RUNX2: variants seen among roughly 807,000 people sequenced by gnomAD.
The protein encoded by RUNX2 is runt-related transcription factor 2.
RUNX2 carries 10 observed loss-of-function variants against 51.7 expected under a neutral mutation model. That is an observed-to-expected ratio of 0.19 (90% CI 0.12 to 0.33). RUNX2 has a LOEUF of 0.33. Among genes scored for constraint, RUNX2 ranks in the 10% least tolerant of loss-of-function variants. RUNX2 has a pLI of 1.00. For missense variants in RUNX2, 562 were observed against 691.3 expected, an observed-to-expected ratio of 0.81 and a Z score of 2.10; for synonymous variants, 276 against 273.6, an observed-to-expected ratio of 1.01 and a Z score of -0.09.
intron 5 of RUNX2, among the ~76,000 whole-genome samples, chr6:45,474,307 A>T (rs1799890079): frequency 6.6e-6 from 1 of 152,036 alleles, no homozygotes; most frequent in Non-Finnish European, 1.5e-5. Flanking sequence ...GCTAGGGAAT[A>T]TTTGGGAATA....
intron 5 of RUNX2, among the ~76,000 whole-genome samples, chr6:45,463,821 A>G (rs1470750709): frequency 1.3e-5 from 2 of 152,142 alleles, no homozygotes; most frequent in East Asian, 3.9e-4. Flanking sequence ...AAATGTTTCT[A>G]TCTTCATTAA....
At position 45,550,357 on chromosome 6, in the gene RUNX2, C is replaced by A. The variant is rs1008736802; in HGVS notation, c.*3052C>A. 3.3e-5 allele frequency: 5 copies of A among 152,182 alleles called. No individual in the cohort carries two copies. Among genetic ancestry groups the A allele is most frequent in the Non-Finnish European group, 7.3e-5 (5 of 68,054 alleles). 9.4% of individuals were successfully genotyped at this position (152,182 alleles called of 1,614,324 possible). ...AGACGGTCTCACTGCCTCTCACTTG[C>A]CAGAGCCCTTTCAAAATGAGCAGAG... On this transcript the variant is annotated 3_prime_UTR_variant, in exon 9 of 9. Coordinates refer to ENST00000647337, the MANE Select transcript of RUNX2 (RefSeq NM_001024630.4).
chr6:45,482,106 G>T (rs1800133929), intron 5 of RUNX2, among the ~76,000 whole-genome samples: 1 of 152,228 alleles, frequency 6.6e-6, no homozygotes, highest in Admixed American at 6.5e-5. Context: ...GGCGAAGTTA[G>T]CCGGATTCCC....
chr6:45,405,253 T>C (rs1194689867), intron 2 of RUNX2, among the ~76,000 whole-genome samples: 1 of 152,248 alleles, frequency 6.6e-6, no homozygotes, highest in African/African-American at 2.4e-5. Flanking sequence ...TACATACATA[T>C]GTATTATTTA....
At chr6:45,430,759 G>A (rs963489816) in intron 3 of RUNX2, among the ~76,000 whole-genome samples, 1 of 152,170 alleles carries the variant, frequency 6.6e-6, no homozygotes, top group African/African-American at 2.4e-5. Flanking sequence ...TCAGACAGCT[G>A]TGGGCTACTT....
intron 2 of RUNX2, among the ~76,000 whole-genome samples, chr6:45,356,272 G>A (rs185647896): frequency 1.3e-5 from 2 of 151,634 alleles, no homozygotes. Context: ...GCAAAAGATG[G>A]CATACTCATT....
intron 5 of RUNX2, among the ~76,000 whole-genome samples, chr6:45,460,048 T>C (rs928343419): frequency 3.3e-5 from 5 of 152,136 alleles, no homozygotes; most frequent in African/African-American, 1.2e-4. Context: ...GGGCAGAGAA[T>C]GGTGCGTGGA....
chr6:45,464,420 T>C (rs1255574831), intron 5 of RUNX2, among the ~76,000 whole-genome samples: 1 of 152,164 alleles, frequency 6.6e-6, no homozygotes, highest in African/African-American at 2.4e-5. Context: ...TTTTTTTTTC[T>C]TTTTAGTGAT....
intron 2 of RUNX2, among the ~76,000 whole-genome samples, chr6:45,388,639 C>G (rs1249878422): frequency 6.6e-6 from 1 of 152,196 alleles, no homozygotes; most frequent in African/African-American, 2.4e-5. Context: ...GAAGCACAAA[C>G]TATGTTACTC....
intron 4 of RUNX2, among the ~76,000 whole-genome samples, chr6:45,433,895 C>T (rs139887754): frequency 6.6e-6 from 1 of 152,258 alleles, no homozygotes; most frequent in Non-Finnish European, 1.5e-5. Context: ...ACCCCCTCCC[C>T]CTATATTTCT....
At chr6:45,346,567 C>CTTTTT (rs71745024) in intron 2 of RUNX2, among the ~76,000 whole-genome samples, 2,321 of 140,392 alleles carry the variant, frequency 0.017, 51 homozygotes, top group South Asian at 0.08. Flanking sequence ...ATAAACATTT[C>CTTTTT]TTTTTTTTTT....
intron 5 of RUNX2, among the ~76,000 whole-genome samples, chr6:45,485,716 T>TATATATATATATATATAC (rs1554394671): frequency 2.9e-3 from 362 of 126,206 alleles, no homozygotes; most frequent in Non-Finnish European, 4.2e-3. Context: ...TATATATATA[T>TATATATATATATATATAC]ACACATATTT....
chr6:45,530,540 T>A (rs947916433), intron 7 of RUNX2, among the ~76,000 whole-genome samples: 8 of 152,220 alleles, frequency 5.3e-5, no homozygotes, highest in African/African-American at 1.9e-4. Flanking sequence ...TCCAGTGCAG[T>A]TAGATGACAG....
chr6:45,422,727 C>G lies in RUNX2; in HGVS notation c.193C>G (p.Gln65Glu), dbSNP rs1332669852. ...GCAGCAACAGCAGCAGCAGCAGCAGCAACAGCAGCAGCAGCAGCAGGAGGC... is the reference window on the plus strand; with the variant it reads ...GCAGCAACAGCAGCAGCAGCAGCAGGAACAGCAGCAGCAGCAGCAGGAGGC... ...QQQQQQQQQQQQQQQQQEAAA... is the reference protein window; with the variant it reads ...QQQQQQQQQQEQQQQQQEAAA... The change falls in exon 3 of 9, where the codon CAA becomes GAA. Residue 65 changes from glutamine (Q) to glutamate (E), a missense_variant. This residue lies in a region of RUNX2 where 153 missense variants were observed against 144.8 expected (regional missense o/e 1.06). Transcript: ENST00000647337. The G allele has an allele frequency of 1.3e-6, 2 of 1,584,594 alleles. No individual in the cohort carries two copies. The highest frequency in any genetic ancestry group is 2.8e-5 in the African/African-American group (2 of 72,078).
chr6:45,359,787 T>C (rs1244847220), intron 2 of RUNX2, among the ~76,000 whole-genome samples: 1 of 152,210 alleles, frequency 6.6e-6, no homozygotes, highest in East Asian at 1.9e-4. Flanking sequence ...CTTATGCTTC[T>C]AATCCCAACC....
intron 7 of RUNX2, among the ~76,000 whole-genome samples, chr6:45,532,500 C>G (rs1801891162): frequency 6.6e-6 from 1 of 151,930 alleles, no homozygotes; most frequent in Admixed American, 6.6e-5. Context: ...GTTGCTAGTC[C>G]AACACTCTAG....
At chr6:45,516,659 C>A (rs897767783) in intron 7 of RUNX2, among the ~76,000 whole-genome samples, 1 of 152,200 alleles carries the variant, frequency 6.6e-6, no homozygotes, top group Non-Finnish European at 1.5e-5. Context: ...TGATTCTAGT[C>A]AAGGGTAAGG....
chr6:45,337,985 C>T (rs1788943196), intron 2 of RUNX2, among the ~76,000 whole-genome samples: 1 of 151,912 alleles, frequency 6.6e-6, no homozygotes, highest in South Asian at 2.1e-4. Flanking sequence ...ATGCTTCTTT[C>T]ATACTCTAAT....
chr6:45,509,741 C>G (rs554167881), intron 6 of RUNX2, among the ~76,000 whole-genome samples: 3 of 152,344 alleles, frequency 2.0e-5, no homozygotes, highest in African/African-American at 7.2e-5. Flanking sequence ...ACAAGGAGAA[C>G]TGTATCTTAC....
Sources: allele counts gnomAD v4.1 joint callset (sites outside exome capture counted in the v4.1 genomes callset), GRCh38; gene constraint gnomAD v4.1.1; regional missense constraint gnomAD v4.1.1; transcripts MANE v1.5; gene names NCBI Gene and HGNC (gene_info 2026-07-23, HGNC 2026-07-21).